NTAQ1: variants seen among roughly 807,000 people sequenced by gnomAD.
The protein encoded by NTAQ1 is N-terminal glutamine amidase 1.
In NTAQ1, 21 loss-of-function variants were observed where a neutral mutation model predicts 28.2. That is an observed-to-expected ratio of 0.74 (90% CI 0.53 to 1.07). The LOEUF is 1.07. NTAQ1 is among the 50% of genes least tolerant of loss of function. The pLI, the probability that NTAQ1 is intolerant of heterozygous loss-of-function variation, is 0.00. For missense variants in NTAQ1, 264 were observed against 256.6 expected, an observed-to-expected ratio of 1.03 and a Z score of -0.20; for synonymous variants, 105 against 90.0, an observed-to-expected ratio of 1.17 and a Z score of -0.94.
intron 3 of NTAQ1, among the ~76,000 whole-genome samples, chr8:123,432,918 G>A (rs1015053030): frequency 1.2e-4 from 19 of 152,256 alleles, no homozygotes; most frequent in African/African-American, 4.6e-4. Flanking sequence ...GACCTCAAGT[G>A]ATCCGCCCGC....
chr8:123,435,574 A>G (rs1316850700), intron 3 of NTAQ1: 2 of 973,512 alleles, frequency 2.1e-6, no homozygotes, highest in Non-Finnish European at 2.4e-6. Context: ...GCTTTTAACA[A>G]ATAGCAGGTG....
chr8:123,428,284 C>T (rs1814189289), intron 2 of NTAQ1, among the ~76,000 whole-genome samples: 1 of 152,176 alleles, frequency 6.6e-6, no homozygotes, highest in Admixed American at 6.6e-5. Flanking sequence ...GCAACCTCCA[C>T]CTCCCGGGTT....
At chr8:123,475,010 G>A (rs1033640115), downstream of NTAQ1, among the ~76,000 whole-genome samples, 1 of 152,136 alleles carries the variant, frequency 6.6e-6, no homozygotes, top group African/African-American at 2.4e-5. Context: ...GCCTATTAGT[G>A]ATTTTCTGTT....
chr8:123,453,989 G>T (rs901025162), intron 6 of NTAQ1, among the ~76,000 whole-genome samples: 2 of 152,186 alleles, frequency 1.3e-5, no homozygotes, highest in African/African-American at 4.8e-5. Context: ...CAGATAATGG[G>T]TCACTAGCAA....
chr8:123,446,661 T>A (rs1815303732), downstream of NTAQ1, among the ~76,000 whole-genome samples: 1 of 152,200 alleles, frequency 6.6e-6, no homozygotes, highest in Non-Finnish European at 1.5e-5. Flanking sequence ...CTGGTGCTCC[T>A]CCACTCATCG....
chr8:123,429,040 T>G (rs1426837273), intron 2 of NTAQ1, among the ~76,000 whole-genome samples: 1 of 152,220 alleles, frequency 6.6e-6, no homozygotes, highest in East Asian at 1.9e-4. Flanking sequence ...CATGAAGAAT[T>G]AGAAAAAGTA....
intron 1 of NTAQ1, among the ~76,000 whole-genome samples, chr8:123,427,689 C>T (rs1159373719): frequency 6.6e-6 from 1 of 152,154 alleles, no homozygotes; most frequent in Non-Finnish European, 1.5e-5. Flanking sequence ...CCTCCATGTA[C>T]AAGCACTGCT....
At chr8:123,438,133 G>C (rs1433757783) in intron 5 of NTAQ1, 1 of 700,784 alleles carries the variant, frequency 1.4e-6, no homozygotes, top group Non-Finnish European at 2.6e-6. Context: ...TGTGCTTTTA[G>C]GCATCAATCC....
chr8:123,458,287 G>C (rs1815714640), intron 6 of NTAQ1, among the ~76,000 whole-genome samples: 1 of 150,508 alleles, frequency 6.6e-6, no homozygotes, highest in Non-Finnish European at 1.5e-5. Context: ...TATAGCCTCA[G>C]ATGTTCTCTC....
chr8:123,428,014 G>A lies in NTAQ1; in HGVS notation c.174G>A (p.Glu58=). The part of the protein sequence containing the change: ...EECYAVFISN[E]RKMIPIWKQQ... Reference sequence around the variant, plus strand: ...GTTATGCTGTCTTCATATCTAATGAGAGGAAGATGGTAAGTTGGTGAGTGA... The same window carrying A: ...GTTATGCTGTCTTCATATCTAATGAAAGGAAGATGGTAAGTTGGTGAGTGA... The change falls in exon 2 of 6, where the codon GAG becomes GAA. Residue 58 remains glutamate (E), a synonymous_variant. Coordinates refer to ENST00000287387, the MANE Select transcript of NTAQ1 (RefSeq NM_018024.3). The A allele has an allele frequency of 6.2e-7, 1 of 1,600,794 alleles. No individual in the cohort carries two copies. The highest frequency in any genetic ancestry group is 1.7e-4 in the Middle Eastern group (1 of 6,026).
At chr8:123,461,061 A>C (rs1029291571) in intron 6 of NTAQ1, among the ~76,000 whole-genome samples, 5 of 152,076 alleles carry the variant, frequency 3.3e-5, no homozygotes, top group Admixed American at 6.6e-5. Flanking sequence ...CACCCTCCTT[A>C]CTATTCCTTG....
intron 5 of NTAQ1, among the ~76,000 whole-genome samples, chr8:123,440,473 G>A (rs1012834478): frequency 9.4e-5 from 14 of 148,632 alleles, no homozygotes; most frequent in Non-Finnish European, 1.9e-4. Context: ...GTCTTTCTGA[G>A]TAAAGGTTGA....
intron 3 of NTAQ1, among the ~76,000 whole-genome samples, chr8:123,433,646 C>G (rs1024827243): frequency 3.3e-5 from 5 of 152,234 alleles, no homozygotes; most frequent in Admixed American, 2.6e-4. Context: ...CGGGGTCTCA[C>G]TATGTTGACC....
chr8:123,456,623 T>G (rs1815657370), intron 6 of NTAQ1, among the ~76,000 whole-genome samples: 1 of 152,220 alleles, frequency 6.6e-6, no homozygotes, highest in African/African-American at 2.4e-5. Flanking sequence ...TTTTACATGA[T>G]TGCCTCAGGG....
chr8:123,457,513 T>G (rs897130364), intron 6 of NTAQ1, among the ~76,000 whole-genome samples: 10 of 152,168 alleles, frequency 6.6e-5, no homozygotes, highest in African/African-American at 1.4e-4. Flanking sequence ...GTAATACAAT[T>G]AAATTTAAAG....
intron 5 of NTAQ1, 134 bp from the exon 6 acceptor site, chr8:123,441,172 A>G: frequency 1.5e-6 from 1 of 661,014 alleles, no homozygotes; most frequent in Non-Finnish European, 2.6e-6. Context: ...TCAAGGCCAG[A>G]AAACCACAGA....
chr8:123,428,928 G>T (rs750983663), intron 2 of NTAQ1, among the ~76,000 whole-genome samples: 2 of 152,070 alleles, frequency 1.3e-5, no homozygotes, highest in African/African-American at 2.4e-5. Context: ...TTAAATTCAA[G>T]ATGGAAGATG....
intron 6 of NTAQ1, among the ~76,000 whole-genome samples, chr8:123,460,652 C>T (rs1815796303): frequency 1.3e-5 from 2 of 152,180 alleles, no homozygotes; most frequent in Admixed American, 1.3e-4. Flanking sequence ...TCTTCAACAT[C>T]AGATGTGAGA....
chr8:123,459,124 G>A (rs542822624), intron 6 of NTAQ1, among the ~76,000 whole-genome samples: 2 of 152,024 alleles, frequency 1.3e-5, no homozygotes, highest in South Asian at 4.1e-4. Context: ...GGTGGTGTGT[G>A]CCTGTAGTCT....
Sources: allele counts gnomAD v4.1 joint callset (sites outside exome capture counted in the v4.1 genomes callset), GRCh38; gene constraint gnomAD v4.1.1; transcripts MANE v1.5; gene names NCBI Gene and HGNC (gene_info 2026-07-23, HGNC 2026-07-21).